Variants in SOX5 observed in about 807,000 individuals in gnomAD.
SOX5 encodes SRY-box transcription factor 5.
In SOX5, 9 loss-of-function variants were observed where a neutral mutation model predicts 92.0. That is an observed-to-expected ratio of 0.10 (90% confidence interval 0.06 to 0.17). SOX5 has a LOEUF of 0.17. SOX5 is among the 10% of genes least tolerant of loss of function. The pLI is 1.00. For synonymous variants in SOX5, 344 were observed against 336.3 expected, an observed-to-expected ratio of 1.02 and a Z score of -0.25; for missense variants, 642 against 944.5, an observed-to-expected ratio of 0.68 and a Z score of 4.20.
intron 9 of SOX5, among the ~76,000 whole-genome samples, chr12:23,585,610 A>T (rs1487984748): frequency 6.6e-6 from 1 of 152,186 alleles, no homozygotes; most frequent in African/African-American, 2.4e-5. Context: ...GGTTAAGAGC[A>T]GTACAGTAAT....
At chr12:24,290,644 C>A (rs962356001) in intron 2 of SOX5, among the ~76,000 whole-genome samples, 1 of 152,188 alleles carries the variant, frequency 6.6e-6, no homozygotes, top group Non-Finnish European at 1.5e-5. Context: ...CACCACCCCC[C>A]TCTCCCAGCC....
chr12:24,498,401 G>A (rs778544958), intron 1 of SOX5, among the ~76,000 whole-genome samples: 4 of 152,104 alleles, frequency 2.6e-5, no homozygotes, highest in African/African-American at 4.8e-5. Flanking sequence ...ACCCTTTGCT[G>A]TACTGCCTCA....
intron 4 of SOX5, among the ~76,000 whole-genome samples, chr12:23,985,612 T>C (rs1157290177): frequency 2.0e-5 from 3 of 151,896 alleles, no homozygotes; most frequent in East Asian, 1.9e-4. Flanking sequence ...AGAGCCTTCA[T>C]AGATACACAT....
chr12:24,090,447 A>G (rs1944505909), intron 4 of SOX5, among the ~76,000 whole-genome samples: 1 of 152,168 alleles, frequency 6.6e-6, no homozygotes, highest in African/African-American at 2.4e-5. Context: ...CAAGAGCTCA[A>G]AGAGACATAT....
chr12:24,431,062 A>C (rs1938211235), intron 1 of SOX5, among the ~76,000 whole-genome samples: 1 of 152,252 alleles, frequency 6.6e-6, no homozygotes, highest in African/African-American at 2.4e-5. Context: ...ATAAAGCAGA[A>C]GGTTGTCATA....
At chr12:23,980,657 G>A (rs7962794) in intron 4 of SOX5, among the ~76,000 whole-genome samples, 58,512 of 151,974 alleles carry the variant, frequency 0.39, 11,623 homozygotes, top group East Asian at 0.56. Context: ...GACAGAAAGA[G>A]AGGGGACTCC....
chr12:23,813,884 C>T (rs980819136), intron 3 of SOX5, among the ~76,000 whole-genome samples: 2 of 151,986 alleles, frequency 1.3e-5, no homozygotes, highest in Non-Finnish European at 2.9e-5. Context: ...TAAAATAATG[C>T]TATCAATATT....
chr12:23,799,769 A>G (rs934955053), intron 3 of SOX5, among the ~76,000 whole-genome samples: 1 of 152,024 alleles, frequency 6.6e-6, no homozygotes, highest in South Asian at 2.1e-4. Flanking sequence ...AATTACAGAC[A>G]GTGTCCTAGA....
At chr12:23,936,257 C>A (rs545706319) in intron 1 of SOX5, among the ~76,000 whole-genome samples, 1 of 151,124 alleles carries the variant, frequency 6.6e-6, no homozygotes, top group African/African-American at 2.4e-5. Context: ...TACCCCTCCA[C>A]AAACTTCTTT....
chr12:24,545,303 A>G (rs944370911), intron 1 of SOX5, among the ~76,000 whole-genome samples: 5 of 152,180 alleles, frequency 3.3e-5, no homozygotes, highest in African/African-American at 9.7e-5. Context: ...TGTTAATCCA[A>G]TTACTAATAA....
chr12:24,465,823 C>T (rs1371071527), intron 1 of SOX5, among the ~76,000 whole-genome samples: 2 of 152,180 alleles, frequency 1.3e-5, no homozygotes, highest in Non-Finnish European at 2.9e-5. Flanking sequence ...GTCCACCATC[C>T]CAACCCCACA....
At chr12:23,801,058 G>A (rs1378489132) in intron 3 of SOX5, among the ~76,000 whole-genome samples, 2 of 152,138 alleles carry the variant, frequency 1.3e-5, no homozygotes, top group Non-Finnish European at 2.9e-5. Context: ...CTCTTCGGAT[G>A]TATTTTCACA....
At chr12:23,879,159 G>C (rs1051546035) in intron 2 of SOX5, among the ~76,000 whole-genome samples, 1 of 152,054 alleles carries the variant, frequency 6.6e-6, no homozygotes, top group Non-Finnish European at 1.5e-5. Flanking sequence ...TTTGAAATGA[G>C]GAATAAGGAA....
intron 6 of SOX5, among the ~76,000 whole-genome samples, chr12:23,716,632 G>T (rs900941519): frequency 6.6e-6 from 1 of 152,154 alleles, no homozygotes; most frequent in Non-Finnish European, 1.5e-5. Flanking sequence ...GGAAGCACAA[G>T]AGGAAAAAAT....
At chr12:24,191,917 A>C (rs890182121) in intron 4 of SOX5, among the ~76,000 whole-genome samples, 21 of 152,256 alleles carry the variant, frequency 1.4e-4, no homozygotes, top group African/African-American at 5.1e-4. Flanking sequence ...AATCGAGATC[A>C]GGTTTAATCT....
rs1593016436 is a variant in SOX5 at position 24,085,891 on chromosome 12, G to A, written c.-2+127452C>T. Among the ~76,000 whole-genome samples the A allele has an allele frequency of 4.0e-5, 6 of 151,006 alleles. No individual in the cohort carries two copies. The Middle Eastern group carries it at 0.017, about 431-fold the overall frequency. ...AAGCTTACACAGCACACATAAATTG[G>A]TAAAACAATCCCCACAGGTAAGATA... On this transcript the variant is annotated intron_variant, in intron 4 of 4. Transcript: ENST00000446891.
intron 7 of SOX5, among the ~76,000 whole-genome samples, chr12:23,645,680 T>A (rs560880565): frequency 7.2e-5 from 11 of 152,214 alleles, no homozygotes; most frequent in Non-Finnish European, 1.5e-4. Flanking sequence ...TTCCATAAAA[T>A]TTAAAAATAT....
In SOX5 at chr12:24,233,897, A is replaced by T. The variant is rs1228082856; in HGVS notation, c.-76-20480T>A. Among the ~76,000 whole-genome samples the T allele has an allele frequency of 2.0e-5, 3 of 152,232 alleles. No homozygotes were observed. The East Asian group carries it at 5.8e-4, about 29-fold the overall frequency. On this transcript the variant is annotated intron_variant, in intron 3 of 4. Transcript: ENST00000446891. ...GAACAGATCAAAGATCAGAACTTGT[A>T]CCATGACTTTTATCTAGGAAAATGT...
intron 4 of SOX5, among the ~76,000 whole-genome samples, chr12:23,972,137 C>A (rs1057331907): frequency 6.6e-6 from 1 of 152,126 alleles, no homozygotes; most frequent in Non-Finnish European, 1.5e-5. Flanking sequence ...TGCAATAGAA[C>A]CTTGCCCTGC....
Sources: allele counts gnomAD v4.1 joint callset (sites outside exome capture counted in the v4.1 genomes callset), GRCh38; gene constraint gnomAD v4.1.1; transcripts MANE v1.5; gene names NCBI Gene and HGNC (gene_info 2026-07-23, HGNC 2026-07-21).